Variants in CHD9 observed in about 807,000 individuals in gnomAD.
CHD9 encodes chromodomain helicase DNA binding protein 9, also known as ATP-dependent chromatin remodeler CHD9.
A neutral mutation model predicts 316.1 loss-of-function variants in CHD9; 77 were observed. The observed-to-expected ratio is 0.24, with a 90% CI of 0.20 to 0.29. The LOEUF is 0.29. Among genes scored for constraint, CHD9 ranks in the 10% least tolerant of loss-of-function variants. CHD9 has a pLI of 1.00. For synonymous variants in CHD9, 1,129 were observed against 1,158.3 expected (o/e 0.97, Z 0.51); for missense variants, 2,763 against 3,438.1 (o/e 0.80, Z 4.91).
chr16:53,068,279 C>T (rs975183679), intron 1 of CHD9, among the ~76,000 whole-genome samples: 2 of 152,264 alleles, frequency 1.3e-5, no homozygotes, highest in East Asian at 1.9e-4. Context: ...TGTTAGTCTG[C>T]CATTCAAGTT....
intron 1 of CHD9, among the ~76,000 whole-genome samples, chr16:53,143,504 C>T (rs2040311230): frequency 6.6e-6 from 1 of 151,930 alleles, no homozygotes; most frequent in South Asian, 2.1e-4. Context: ...TCTCCTGCCT[C>T]AGCCTCCCCA....
chr16:53,286,862 A>G (rs1005928120), intron 26 of CHD9, among the ~76,000 whole-genome samples: 148 of 152,222 alleles, frequency 9.7e-4, no homozygotes, highest in African/African-American at 3.5e-3. Flanking sequence ...ATAGTACAAT[A>G]TATATGCTGT....
At chr16:53,202,693 C>A (rs1400827194) in intron 2 of CHD9, among the ~76,000 whole-genome samples, 9 of 151,932 alleles carry the variant, frequency 5.9e-5, no homozygotes, top group Non-Finnish European at 1.3e-4. Flanking sequence ...TTTGCCTGGA[C>A]TTTTATGTGG....
At chr16:53,281,573 CT>C (rs1285186508) in intron 24 of CHD9, among the ~76,000 whole-genome samples, 1 of 152,170 alleles carries the variant, frequency 6.6e-6, no homozygotes, top group Non-Finnish European at 1.5e-5. Context: ...GGTCTTGGCA[CT>C]CCTTAACACC....
At chr16:53,259,287 T>C (rs1021406126) in intron 19 of CHD9, among the ~76,000 whole-genome samples, 1 of 152,230 alleles carries the variant, frequency 6.6e-6, no homozygotes, top group African/African-American at 2.4e-5. Context: ...TGTCTTATAA[T>C]GAATGTAACA....
chr16:53,196,717 A>G (rs186346977), intron 2 of CHD9, among the ~76,000 whole-genome samples: 1 of 152,334 alleles, frequency 6.6e-6, no homozygotes, highest in Admixed American at 6.5e-5. Context: ...TGAGTGAACC[A>G]ATCAGTCTTC....
intron 3 of CHD9, among the ~76,000 whole-genome samples, chr16:53,221,481 T>C (rs895798134): frequency 1.3e-5 from 2 of 152,194 alleles, no homozygotes; most frequent in Non-Finnish European, 2.9e-5. Flanking sequence ...AATACAGATA[T>C]TTAAAATAGT....
At chr16:53,171,138 G>T (rs544344271) in intron 2 of CHD9, among the ~76,000 whole-genome samples, 1 of 152,088 alleles carries the variant, frequency 6.6e-6, no homozygotes, top group African/African-American at 2.4e-5. Flanking sequence ...GGCCAGGTGC[G>T]GTGGCTCACA....
intron 1 of CHD9, among the ~76,000 whole-genome samples, chr16:53,108,379 C>T (rs985630929): frequency 1.3e-5 from 2 of 151,818 alleles, no homozygotes; most frequent in African/African-American, 4.8e-5. Context: ...GTGGTGTGCA[C>T]CTATAGTCCC....
rs2153000190 is a variant in CHD9 at position 53,267,498 on chromosome 16, A to G, written c.4517+8A>G. 1 of 1,573,380 alleles carries G rather than the reference A, an allele frequency of 6.4e-7. No homozygotes were observed. Among genetic ancestry groups the G allele is most frequent in the Non-Finnish European group, 8.6e-7 (1 of 1,158,126 alleles). ...AAACCTGCTAGTTTATGGGTAAAACATTGTTTTTAATGTTTGCTCTAAGTA... is the reference window on the plus strand; with the variant it reads ...AAACCTGCTAGTTTATGGGTAAAACGTTGTTTTTAATGTTTGCTCTAAGTA... On this transcript the variant is annotated splice_region_variant and intron_variant, in intron 21 of 38. Transcript: ENST00000447540.
chr16:53,131,127 C>T (rs1388265927), intron 1 of CHD9: 2 of 87,132 alleles, frequency 2.3e-5, no homozygotes, highest in Non-Finnish European at 4.8e-5. Flanking sequence ...GGGGGCACCG[C>T]GGGGCAGCGG....
intron 2 of CHD9, among the ~76,000 whole-genome samples, chr16:53,204,454 G>A (rs1363981081): frequency 6.6e-6 from 1 of 152,172 alleles, no homozygotes; most frequent in Non-Finnish European, 1.5e-5. Flanking sequence ...GAAGGAAAAG[G>A]CGAGTAACAG....
intron 1 of CHD9, among the ~76,000 whole-genome samples, chr16:53,096,993 CAGAGCCCTCATGATGCA>C (rs1397983518): frequency 2.6e-5 from 4 of 152,014 alleles, no homozygotes; most frequent in African/African-American, 9.7e-5. Flanking sequence ...TTCATTAGGG[CAGAGCCCTCATGATGCA>C]AGCACCGTTT....
Position 53,231,665 on chromosome 16 carries a change from G to A in CHD9, c.2392G>A (p.Val798Ile). 6.3e-7 allele frequency: 1 copy of A among 1,594,270 alleles called. No homozygotes were observed. The highest frequency in any genetic ancestry group is 8.5e-7 in the Non-Finnish European group (1 of 1,171,088). ...TTTACAGCCTGTTATTTACTACTTAGTAAAATGGTGCTCATTGCCATATGA... is the reference window on the plus strand; with the variant it reads ...TTTACAGCCTGTTATTTACTACTTAATAAAATGGTGCTCATTGCCATATGA... ...DTGEPVIYYLVKWCSLPYEDS... is the reference protein window; with the variant it reads ...DTGEPVIYYLIKWCSLPYEDS... Residue 798 changes from valine (V) to isoleucine (I), a missense_variant, in exon 10 of 39, where the codon GTA becomes ATA. Val to Ile is a conservative substitution (Grantham distance 29, BLOSUM62 3). Coordinates refer to ENST00000447540, the MANE Select transcript of CHD9 (RefSeq NM_001308319.2).
chr16:53,284,635 G>C (rs1258912373), intron 24 of CHD9, among the ~76,000 whole-genome samples: 69 of 151,992 alleles, frequency 4.5e-4, no homozygotes, highest in Non-Finnish European at 1.5e-5. Flanking sequence ...CATTCTAGTA[G>C]TTATTTGTTA....
At chr16:53,149,996 A>T (rs1451592773) in intron 1 of CHD9, among the ~76,000 whole-genome samples, 1 of 151,920 alleles carries the variant, frequency 6.6e-6, no homozygotes, top group African/African-American at 2.4e-5. Flanking sequence ...ATTTAGAGGG[A>T]ACCTCTTGTA....
intron 1 of CHD9, among the ~76,000 whole-genome samples, chr16:53,132,063 T>C (rs2039366711): frequency 6.6e-6 from 1 of 152,130 alleles, no homozygotes; most frequent in Non-Finnish European, 1.5e-5. Context: ...CTCAGACTGG[T>C]TTCTGTTTGT....
At chr16:53,233,548 G>C (rs1215792661) in intron 10 of CHD9, among the ~76,000 whole-genome samples, 5 of 152,102 alleles carry the variant, frequency 3.3e-5, no homozygotes, top group Admixed American at 2.6e-4. Flanking sequence ...ATGTAGGCAT[G>C]ATTGATTCAA....
intron 2 of CHD9, chr16:53,208,006 T>G: frequency 1.0e-6 from 1 of 995,420 alleles, no homozygotes; most frequent in Admixed American, 6.1e-5. Context: ...CTGATGCATT[T>G]TGATGCTTTG....
Sources: allele counts gnomAD v4.1 joint callset (sites outside exome capture counted in the v4.1 genomes callset), GRCh38; gene constraint gnomAD v4.1.1; transcripts MANE v1.5; gene names NCBI Gene and HGNC (gene_info 2026-07-23, HGNC 2026-07-21).